The following TMEM114 variants were observed in gnomAD, a reference collection of about 807,000 sequenced individuals.
TMEM114 encodes the protein transmembrane protein 114.
In TMEM114, 6 loss-of-function variants were observed where a neutral mutation model predicts 6.2. That is an observed-to-expected ratio of 0.97 (90% confidence interval 0.53 to 1.91). TMEM114 has a LOEUF of 1.91. TMEM114 is among the 40% of genes most tolerant of loss of function. TMEM114 has a pLI of 0.01. For missense variants in TMEM114, 218 were observed against 158.3 expected (o/e 1.38, Z -2.02); for synonymous variants, 104 against 73.0 (o/e 1.42, Z -2.16).
At chr16:8,528,061 A>G in the TMEM114 span, among the ~76,000 whole-genome samples, 1 of 152,004 alleles carries the variant, frequency 6.6e-6, no homozygotes, top group South Asian at 2.1e-4. Context: ...GGCATGTGCC[A>G]CCATGCCCGG....
In TMEM114 at chr16:8,580,390, G is replaced by C. The variant is rs763275694; in HGVS notation, c.302-8166C>G. Among the ~76,000 whole-genome samples the C allele has an allele frequency of 2.3e-3, 345 of 151,854 alleles. 2 individuals are homozygous for C. Among genetic ancestry groups the C allele is most frequent in the Non-Finnish European group, 1.1e-3 (78 of 67,964 alleles). On this transcript the variant is annotated intron_variant, in intron 2 of 3. Coordinates refer to ENST00000620492, the MANE Select transcript of TMEM114 (RefSeq NM_001146336.2). ...TAATCCCAGCTACTCGGGAGGCTGA[G>C]GCAGGAGAATCACTTGAACCTGGGA...
chr16:8,566,054 A>C (rs980528668), downstream of TMEM114, among the ~76,000 whole-genome samples: 6 of 152,216 alleles, frequency 3.9e-5, no homozygotes, highest in African/African-American at 1.4e-4. Context: ...CAATGGATTA[A>C]AATACGGCAG....
the TMEM114 span, among the ~76,000 whole-genome samples, chr16:8,530,191 T>C: frequency 1.3e-5 from 2 of 152,324 alleles, no homozygotes; most frequent in South Asian, 2.1e-4. Flanking sequence ...TCTCACCTGA[T>C]AGCCAGTGCC....
At position 8,586,509 on chromosome 16, in the gene TMEM114, CT is replaced by C. The variant is rs201572145; in HGVS notation, c.301+2703del. On this transcript the variant is annotated intron_variant, in intron 2 of 3. Transcript: ENST00000620492. ...TTCCATGACCGGAATTCTTATCATT[CT>C]TTTTTTTTGTTTTTTTTTTGAGAGA... 3.3e-5 allele frequency among the ~76,000 whole-genome samples: 5 copies of C among 150,064 alleles called. 1 individual carries two copies. Among genetic ancestry groups the C allele is most frequent in the South Asian group, 4.2e-4 (2 of 4,726 alleles).
downstream of TMEM114, among the ~76,000 whole-genome samples, chr16:8,566,109 G>A (rs569383349): frequency 2.0e-5 from 3 of 152,278 alleles, no homozygotes; most frequent in South Asian, 6.2e-4. Context: ...GGTGGCTCAC[G>A]CCTGTAATCC....
At position 8,569,678 on chromosome 16, in the gene TMEM114, G is replaced by T. The variant is rs1029296399; in HGVS notation, c.*95C>A. ...GGGGGGTGCCTGGCCTCCCCGAGTG[G>T]CCTTTGAGGAAGAAGAGGCCGCAGC... On this transcript the variant is annotated 3_prime_UTR_variant, in exon 4 of 4. Transcript: ENST00000620492. 114 of 1,451,264 alleles carry T rather than the reference G, an allele frequency of 7.9e-5. No individual in the cohort carries two copies. Among genetic ancestry groups the T allele is most frequent in the Non-Finnish European group, 1.0e-4 (111 of 1,104,208 alleles). The allele number at this position is 1,451,264 out of a possible 1,614,324, so 89.9% of individuals were successfully genotyped here. A position where few individuals can be genotyped will look rare whatever the true frequency, so the allele number is the denominator to read the frequency against.
At chr16:8,552,515 C>G (rs1484997617) in intron 2 of TMEM114, among the ~76,000 whole-genome samples, 1 of 152,208 alleles carries the variant, frequency 6.6e-6, no homozygotes, top group Middle Eastern at 3.4e-3. Flanking sequence ...ACTGCACACA[C>G]ACACACACAC....
chr16:8,563,497 CTGAG>C (rs1901368157), intron 2 of TMEM114, among the ~76,000 whole-genome samples: 2 of 118,660 alleles, frequency 1.7e-5, no homozygotes, highest in Non-Finnish European at 3.6e-5. Context: ...GAATGAGTGA[CTGAG>C]GGAGGGAGGA....
chr16:8,567,282 G>C (rs1291693737), downstream of TMEM114, among the ~76,000 whole-genome samples: 2 of 152,080 alleles, frequency 1.3e-5, no homozygotes, highest in African/African-American at 2.4e-5. Context: ...TGGTTCATGG[G>C]TTTATCATCT....
chr16:8,536,897 C>G (rs533421745), downstream of TMEM114, among the ~76,000 whole-genome samples: 27 of 152,198 alleles, frequency 1.8e-4, no homozygotes, highest in African/African-American at 6.0e-4. Flanking sequence ...CTGTAGGAAT[C>G]ACACATTTTT....
At chr16:8,570,146 G>GT in intron 3 of TMEM114, 141 bp from the exon 4 acceptor site, 1 of 1,179,242 alleles carries the variant, frequency 8.5e-7, no homozygotes, top group Non-Finnish European at 1.2e-6. Context: ...GCGCGTGCTA[G>GT]TCTCCCCGCT....
At position 8,569,698 on chromosome 16, in the gene TMEM114, C is replaced by A. The variant is rs1901659040; in HGVS notation, c.*75G>T. ...GAGTGGCCTTTGAGGAAGAAGAGGC[C>A]GCAGCCGATGGAGATCGGTCGGTGA... On this transcript the variant is annotated 3_prime_UTR_variant, in exon 4 of 4. Transcript: ENST00000620492. The A allele has an allele frequency of 4.1e-6, 6 of 1,466,630 alleles. No homozygotes were observed. The highest frequency in any genetic ancestry group is 1.4e-5 in the African/African-American group (1 of 70,830). 90.9% of individuals were successfully genotyped at this position (1,466,630 alleles called of 1,614,324 possible). A position where few individuals can be genotyped will look rare whatever the true frequency, so the allele number is the denominator to read the frequency against.
intron 2 of TMEM114, among the ~76,000 whole-genome samples, chr16:8,579,216 G>A (rs2141694028): frequency 6.6e-6 from 1 of 152,316 alleles, no homozygotes; most frequent in African/African-American, 2.4e-5. Context: ...CTTCCATGAT[G>A]CTTGTGAGGT....
chr16:8,546,253 T>C (rs951595169), intron 2 of TMEM114, among the ~76,000 whole-genome samples: 1 of 152,262 alleles, frequency 6.6e-6, no homozygotes, highest in Non-Finnish European at 1.5e-5. Flanking sequence ...ATAGAATTTC[T>C]TAACTCATTT....
intron 2 of TMEM114, among the ~76,000 whole-genome samples, chr16:8,558,875 G>A (rs1008968367): frequency 1.6e-4 from 24 of 151,172 alleles, no homozygotes; most frequent in Non-Finnish European, 2.8e-4. Context: ...CGAGTAGCTG[G>A]GACTGCAGGC....
At chr16:8,571,376 G>C (rs960254220) in intron 3 of TMEM114, among the ~76,000 whole-genome samples, 1 of 152,136 alleles carries the variant, frequency 6.6e-6, no homozygotes, top group Non-Finnish European at 1.5e-5. Flanking sequence ...GTACACTGTG[G>C]AGTGGCTCGG....
chr16:8,546,271 G>T (rs1900662113), intron 2 of TMEM114, among the ~76,000 whole-genome samples: 3 of 152,142 alleles, frequency 2.0e-5, no homozygotes, highest in Admixed American at 2.0e-4. Context: ...TTTCAAACTG[G>T]TAAGTAAATC....
intron 2 of TMEM114, chr16:8,537,848 C>G (rs775883595): frequency 6.6e-6 from 1 of 152,026 alleles, no homozygotes; most frequent in Non-Finnish European, 1.5e-5. Context: ...AACAAGAAAG[C>G]TTATTGTGTA....
At chr16:8,541,054 C>G (rs1402488510) in intron 2 of TMEM114, among the ~76,000 whole-genome samples, 1 of 133,140 alleles carries the variant, frequency 7.5e-6, no homozygotes, top group African/African-American at 2.8e-5. Context: ...AGAGCGAAGT[C>G]TGGACCAGCC....
Sources: allele counts gnomAD v4.1 joint callset (sites outside exome capture counted in the v4.1 genomes callset), GRCh38; gene constraint gnomAD v4.1.1; transcripts MANE v1.5; gene names NCBI Gene and HGNC (gene_info 2026-07-23, HGNC 2026-07-21).